RSPO2: variants seen among roughly 807,000 people sequenced by gnomAD.
The protein encoded by RSPO2 is R-spondin-2.
Under a neutral mutation model 30.9 loss-of-function variants are expected in RSPO2, and 14 were observed. The observed-to-expected ratio is 0.45, with a 90% CI of 0.30 to 0.71. The LOEUF is 0.71. RSPO2 is among the 30% of genes least tolerant of loss of function. The probability of loss-of-function intolerance (pLI) is 0.08; values close to 1 mark genes in which losing one functional copy is unlikely to be tolerated. For missense variants in RSPO2, 264 were observed against 301.9 expected (o/e 0.87, Z 0.93); for synonymous variants, 107 against 96.4 (o/e 1.11, Z -0.64).
At chr8:108,057,095 C>T (rs11776663) in intron 2 of RSPO2, among the ~76,000 whole-genome samples, 39,354 of 91,826 alleles carry the variant, frequency 0.43, 6,981 homozygotes, top group African/African-American at 0.56. Flanking sequence ...AAAAAAAAGA[C>T]GTATAAAATA....
At chr8:108,021,477 A>G (rs775780852) in intron 2 of RSPO2, among the ~76,000 whole-genome samples, 31 of 152,148 alleles carry the variant, frequency 2.0e-4, no homozygotes, top group African/African-American at 7.5e-4. Flanking sequence ...TAAAGCATCA[A>G]TGTAAACTGA....
At chr8:108,005,716 G>A (rs1369054048) in intron 2 of RSPO2, among the ~76,000 whole-genome samples, 3 of 152,158 alleles carry the variant, frequency 2.0e-5, no homozygotes, top group African/African-American at 7.2e-5. Flanking sequence ...CTTTGGGGTA[G>A]AGAAGGAGGA....
At chr8:107,973,610 A>G (rs1586591437) in intron 3 of RSPO2, among the ~76,000 whole-genome samples, 1 of 152,126 alleles carries the variant, frequency 6.6e-6, no homozygotes, top group East Asian at 1.9e-4. Flanking sequence ...GTTCTAAAAC[A>G]GCCATAATTT....
At chr8:107,963,429 C>A (rs976498569) in intron 3 of RSPO2, among the ~76,000 whole-genome samples, 4 of 139,834 alleles carry the variant, frequency 2.9e-5, no homozygotes, top group Non-Finnish European at 6.0e-5. Flanking sequence ...GGGGCTGAAG[C>A]AGGAGGATCA....
intron 2 of RSPO2, among the ~76,000 whole-genome samples, chr8:108,041,736 A>G (rs1046612638): frequency 5.3e-5 from 8 of 152,148 alleles, no homozygotes; most frequent in Admixed American, 1.3e-4. Flanking sequence ...AAGAGTCACT[A>G]TTGGGGAAAT....
chr8:107,936,292 A>G (rs1267604176), intron 5 of RSPO2, among the ~76,000 whole-genome samples: 1 of 152,188 alleles, frequency 6.6e-6, no homozygotes, highest in Non-Finnish European at 1.5e-5. Context: ...TTTATAGCCA[A>G]ATAGTATTCC....
chr8:108,036,391 C>T (rs1410448534), intron 2 of RSPO2, among the ~76,000 whole-genome samples: 1 of 152,176 alleles, frequency 6.6e-6, no homozygotes, highest in Admixed American at 6.5e-5. Context: ...AGCAAAAGAT[C>T]CTCTCTGCCC....
At chr8:107,992,877 T>C (rs1157388983) in intron 2 of RSPO2, among the ~76,000 whole-genome samples, 2 of 152,140 alleles carry the variant, frequency 1.3e-5, no homozygotes, top group South Asian at 4.1e-4. Flanking sequence ...GTGAGCAAAA[T>C]GAAGATATTT....
chr8:108,039,991 G>T (rs552087565), intron 2 of RSPO2, among the ~76,000 whole-genome samples: 10 of 152,206 alleles, frequency 6.6e-5, no homozygotes, highest in African/African-American at 1.9e-4. Context: ...TGACCATGCT[G>T]GCACCCCAAT....
At chr8:107,959,608 C>G (rs1011961984) in intron 4 of RSPO2, among the ~76,000 whole-genome samples, 4 of 152,178 alleles carry the variant, frequency 2.6e-5, no homozygotes, top group Non-Finnish European at 5.9e-5. Flanking sequence ...GCATAAGACT[C>G]TATTTATAAT....
intron 2 of RSPO2, among the ~76,000 whole-genome samples, chr8:108,059,231 C>CA (rs933125599): frequency 1.6e-4 from 23 of 147,980 alleles, no homozygotes; most frequent in African/African-American, 4.0e-4. Flanking sequence ...TTTATGCAGC[C>CA]AAAAAAAAAC....
chr8:108,050,836 C>T (rs1044781360), intron 2 of RSPO2, among the ~76,000 whole-genome samples: 6 of 152,096 alleles, frequency 3.9e-5, no homozygotes, highest in African/African-American at 7.2e-5. Context: ...GAAAGACTAC[C>T]TCCAACTCCA....
At position 107,960,796 on chromosome 8, in the gene RSPO2, TCA is replaced by T. The variant is rs1563540160; in HGVS notation, c.303_304del (p.Cys101Ter). The stretch of plus-strand genomic sequence containing the variant: ...ACAAAAGTCTTTGCTAAAGCAAGAA[TCA>T]CAGTTTTCTATTCTGCATCCTAAAA... On this transcript the variant is annotated stop_gained and frameshift_variant, in exon 4 of 6. Coordinates refer to ENST00000276659, the MANE Select transcript of RSPO2 (RefSeq NM_178565.5). LOFTEE classifies it high-confidence loss of function. The T allele has an allele frequency of 6.2e-7, 1 of 1,605,358 alleles. No individual in the cohort carries two copies. Among genetic ancestry groups the T allele is most frequent in the South Asian group, 1.1e-5 (1 of 87,836 alleles).
rs534482599 is a variant in RSPO2, at chr8:108,006,763, G to A, written c.95-17519C>T. On this transcript the variant is annotated intron_variant, in intron 2 of 5. Coordinates refer to ENST00000276659, the MANE Select transcript of RSPO2 (RefSeq NM_178565.5). ...AAACACCTTACCTGGTGTAAGTCACGAAGTCATATCAAAACTATCATTATT... is the reference window on the plus strand; with the variant it reads ...AAACACCTTACCTGGTGTAAGTCACAAAGTCATATCAAAACTATCATTATT... 1.4e-4 allele frequency among the ~76,000 whole-genome samples: 22 copies of A among 152,222 alleles called. No individual in the cohort carries two copies. In the East Asian group the frequency reaches 2.5e-3, roughly 17 times the overall value.
At chr8:108,034,860 C>T (rs73321450) in intron 2 of RSPO2, among the ~76,000 whole-genome samples, 4,760 of 152,300 alleles carry the variant, frequency 0.031, 237 homozygotes, top group African/African-American at 0.11. Context: ...TTGTGATAAC[C>T]TGTGACCAGT....
chr8:108,018,142 G>A (rs1810952080), intron 2 of RSPO2, among the ~76,000 whole-genome samples: 2 of 152,092 alleles, frequency 1.3e-5, no homozygotes, highest in African/African-American at 4.8e-5. Context: ...GCTAAAAGGG[G>A]ACTTCACTTA....
At chr8:107,983,168 C>G in intron 3 of RSPO2, 1 of 1,538,208 alleles carries the variant, frequency 6.5e-7, no homozygotes, top group Non-Finnish European at 8.8e-7. Flanking sequence ...AGCAGATGAG[C>G]AGACCGTTTA....
intron 5 of RSPO2, among the ~76,000 whole-genome samples, chr8:107,942,496 G>T (rs2130378870): frequency 6.6e-6 from 1 of 152,204 alleles, no homozygotes; most frequent in South Asian, 2.1e-4. Context: ...AGGATATTTT[G>T]ATTCTCTTAT....
At chr8:107,918,498 A>T (rs1192313900) in intron 5 of RSPO2, among the ~76,000 whole-genome samples, 1 of 152,096 alleles carries the variant, frequency 6.6e-6, no homozygotes, top group African/African-American at 2.4e-5. Flanking sequence ...TCTTGTCTGT[A>T]CAGTCCCTGT....
Sources: gnomAD v4.1 joint callset for allele counts (sites outside exome capture counted in the v4.1 genomes callset) on GRCh38, gnomAD v4.1.1 for gene constraint, MANE v1.5 for transcripts, NCBI Gene and HGNC (gene_info 2026-07-23, HGNC 2026-07-21) for gene names.